The following TYW1B variants were observed in gnomAD, a reference collection of about 807,000 sequenced individuals.
The protein encoded by TYW1B is S-adenosyl-L-methionine-dependent tRNA 4-demethylwyosine synthase TYW1B.
A neutral mutation model predicts 86.9 loss-of-function variants in TYW1B; 73 were observed. The ratio of observed to expected loss-of-function variants is 0.84; its 90% confidence interval spans 0.70 to 1.02. TYW1B has a LOEUF of 1.02. TYW1B is among the 50% of genes least tolerant of loss of function. The pLI, the probability that TYW1B is intolerant of heterozygous loss-of-function variation, is 0.00. For synonymous variants in TYW1B, 248 were observed against 292.8 expected (o/e 0.85, Z 1.56); for missense variants, 637 against 827.4 (o/e 0.77, Z 2.82).
chr7:72,632,312 T>TG lies in TYW1B; in HGVS notation c.1507-3316_1507-3315insC, dbSNP rs1491239231. On this transcript the variant is annotated intron_variant, in intron 11 of 13. Coordinates refer to ENST00000620995, the MANE Select transcript of TYW1B (RefSeq NM_001145440.3). ...ATATATATATATACGTGTATATATA[T>TG]TATATATATTATATATATATACACG... is the stretch of plus-strand genomic sequence containing the variant. Among the ~76,000 whole-genome samples the TG allele has an allele frequency of 1.8e-4, 16 of 87,004 alleles. 1 individual carries two copies. Among genetic ancestry groups the TG allele is most frequent in the African/African-American group, 1.0e-3 (16 of 15,990 alleles). 57.1% of individuals were successfully genotyped at this position (87,004 alleles called of 152,430 possible).
chr7:72,621,616 T>C (rs1290423898), intron 12 of TYW1B, among the ~76,000 whole-genome samples: 7 of 152,248 alleles, frequency 4.6e-5, no homozygotes, highest in Non-Finnish European at 8.8e-5. Flanking sequence ...TGTGTAGTTA[T>C]CTGTTACCAG....
intron 7 of TYW1B, among the ~76,000 whole-genome samples, chr7:72,748,606 A>C (rs1554464315): frequency 6.6e-6 from 1 of 150,944 alleles, no homozygotes; most frequent in Non-Finnish European, 1.5e-5. Context: ...AGAGGTTAAT[A>C]TTCCTCTATT....
chr7:72,700,374 C>T (rs1319587489), intron 10 of TYW1B, among the ~76,000 whole-genome samples: 1 of 151,746 alleles, frequency 6.6e-6, no homozygotes, highest in Non-Finnish European at 1.5e-5. Context: ...CAGCGTTTCG[C>T]CACATTGGCC....
intron 11 of TYW1B, among the ~76,000 whole-genome samples, chr7:72,652,291 TGG>T: frequency 7.4e-6 from 1 of 135,102 alleles, no homozygotes; most frequent in Non-Finnish European, 1.5e-5. Context: ...GGCAGGAGAA[TGG>T]CATGAACCCG....
In TYW1B at chr7:72,574,605, T is replaced by C; in HGVS notation, c.*893A>G. On this transcript the variant is annotated 3_prime_UTR_variant, in exon 14 of 14. Coordinates refer to ENST00000620995, the MANE Select transcript of TYW1B (RefSeq NM_001145440.3). ...TGAAAACAATTTTGAGTATTTATGA[T>C]CTTTCCAACTTGAAAACACCTGAAC... 1 of 985,438 alleles carries C rather than the reference T, an allele frequency of 1.0e-6. No homozygotes were observed. The highest frequency in any genetic ancestry group is 1.2e-6 in the Non-Finnish European group (1 of 829,928). 61.0% of individuals were successfully genotyped at this position (985,438 alleles called of 1,614,324 possible). A position where few individuals can be genotyped will look rare whatever the true frequency, so the allele number is the denominator to read the frequency against.
chr7:72,774,116 G>C (rs1787912408), intron 7 of TYW1B, among the ~76,000 whole-genome samples: 1 of 151,068 alleles, frequency 6.6e-6, no homozygotes, highest in Non-Finnish European at 1.5e-5. Context: ...AAAAGAGGGA[G>C]AGAGGAAGGG....
At chr7:72,737,295 A>G (rs116073693) in intron 8 of TYW1B, among the ~76,000 whole-genome samples, 2,747 of 152,324 alleles carry the variant, frequency 0.018, 75 homozygotes, top group African/African-American at 0.061. Flanking sequence ...AAGCTCACAT[A>G]TTAGTCCTTC....
intron 6 of TYW1B, among the ~76,000 whole-genome samples, chr7:72,784,325 C>T (rs1401819579): frequency 6.6e-6 from 1 of 152,204 alleles, no homozygotes; most frequent in Non-Finnish European, 1.5e-5. Context: ...CAGATGGAGT[C>T]CAGGCTTGAG....
intron 11 of TYW1B, among the ~76,000 whole-genome samples, chr7:72,659,699 G>A (rs1324110972): frequency 2.0e-5 from 3 of 152,186 alleles, no homozygotes; most frequent in South Asian, 2.1e-4. Flanking sequence ...AGGATACAAT[G>A]ATATGCTCAA....
chr7:72,686,880 T>G (rs1205058922), intron 11 of TYW1B, among the ~76,000 whole-genome samples: 3 of 151,700 alleles, frequency 2.0e-5, no homozygotes, highest in Admixed American at 6.6e-5. Context: ...AAATATAAAG[T>G]CCATTAAAAA....
chr7:72,579,587 C>T (rs1811102382), intron 13 of TYW1B, among the ~76,000 whole-genome samples: 1 of 152,184 alleles, frequency 6.6e-6, no homozygotes, highest in Non-Finnish European at 1.5e-5. Flanking sequence ...CCCACATGGC[C>T]TTTTCTTGGT....
chr7:72,588,642 A>C (rs1316831162), intron 13 of TYW1B, among the ~76,000 whole-genome samples: 1 of 152,164 alleles, frequency 6.6e-6, no homozygotes, highest in African/African-American at 2.4e-5. Context: ...CATGGAGATC[A>C]AGGAGACTGC....
chr7:72,619,926 AT>A (rs1299089454), intron 12 of TYW1B, among the ~76,000 whole-genome samples: 3 of 152,144 alleles, frequency 2.0e-5, no homozygotes, highest in Non-Finnish European at 2.9e-5. Flanking sequence ...TTTTGAAAAT[AT>A]TTTAATATTT....
At chr7:72,771,041 A>T (rs1165893594) in intron 7 of TYW1B, among the ~76,000 whole-genome samples, 2 of 143,678 alleles carry the variant, frequency 1.4e-5, no homozygotes, top group Middle Eastern at 3.6e-3. Flanking sequence ...GGGCTCACTG[A>T]AACCTCTGCC....
chr7:72,635,588 C>A (rs1304384423), intron 11 of TYW1B, among the ~76,000 whole-genome samples: 2 of 152,162 alleles, frequency 1.3e-5, no homozygotes, highest in Non-Finnish European at 2.9e-5. Context: ...TACAGTGGAG[C>A]AAGTTCTCTT....
intron 11 of TYW1B, among the ~76,000 whole-genome samples, chr7:72,663,902 A>C (rs1191313655): frequency 6.6e-6 from 1 of 151,910 alleles, no homozygotes; most frequent in Non-Finnish European, 1.5e-5. Flanking sequence ...CCATTTACAC[A>C]TATATCACAA....
intron 6 of TYW1B, among the ~76,000 whole-genome samples, chr7:72,783,944 C>T (rs1340488402): frequency 2.0e-5 from 3 of 152,106 alleles, no homozygotes; most frequent in African/African-American, 7.2e-5. Flanking sequence ...CACTGCAATA[C>T]CAACAGAACT....
intron 9 of TYW1B, among the ~76,000 whole-genome samples, chr7:72,717,226 T>G (rs1228804613): frequency 6.6e-6 from 1 of 150,978 alleles, no homozygotes; most frequent in Non-Finnish European, 1.5e-5. Context: ...ACTTGAACCC[T>G]GGAGGTGGAG....
chr7:72,671,808 TATTAACTTTA>T (rs1418369662), intron 11 of TYW1B, among the ~76,000 whole-genome samples: 7 of 151,154 alleles, frequency 4.6e-5, no homozygotes, highest in Non-Finnish European at 8.8e-5. Context: ...TTATTCACTT[TATTAACTTTA>T]ATTTCTTTTA....
Sources: gnomAD v4.1 joint callset for allele counts (sites outside exome capture counted in the v4.1 genomes callset) on GRCh38, gnomAD v4.1.1 for gene constraint, MANE v1.5 for transcripts, NCBI Gene and HGNC (gene_info 2026-07-23, HGNC 2026-07-21) for gene names.